FCN2: variants seen among roughly 807,000 people sequenced by gnomAD.
FCN2 encodes the protein ficolin-2.
A neutral mutation model predicts 32.5 loss-of-function variants in FCN2; 31 were observed. The observed-to-expected ratio is 0.96, with a 90% CI of 0.72 to 1.29. The LOEUF is 1.29. FCN2 is among the 50% of genes most tolerant of loss of function. FCN2 has a pLI of 0.00. For missense variants in FCN2, 412 were observed against 406.5 expected (o/e 1.01, Z -0.12); for synonymous variants, 181 against 164.5 (o/e 1.10, Z -0.77).
Position 134,887,272 on chromosome 9 carries a change from T to C in FCN2, c.799T>C (p.Tyr267His). 6.2e-7 allele frequency: 1 copy of C among 1,614,164 alleles called. No homozygotes were observed. Among genetic ancestry groups the C allele is most frequent in the Non-Finnish European group, 8.5e-7 (1 of 1,180,026 alleles). The change falls in exon 8 of 8, where the codon TAC becomes CAC. Residue 267 changes from tyrosine (Y) to histidine (H), a missense_variant. By Grantham distance (83) the Tyr-to-His change is moderately conservative (BLOSUM62 2). Coordinates refer to ENST00000291744, the MANE Select transcript of FCN2 (RefSeq NM_004108.3). ...TGTGATGTTTCAGGGAGCTTGGTGGTACAAAAACTGCCATGTGTCAAACCT... is the reference window on the plus strand; with the variant it reads ...TGTGATGTTTCAGGGAGCTTGGTGGCACAAAAACTGCCATGTGTCAAACCT... The part of the protein sequence containing the change: ...CAVMFQGAWW[Y>H]KNCHVSNLNG...
chr9:134,886,044 A>C, intron 6 of FCN2, 147 bp downstream of exon 6: 1 of 838,128 alleles, frequency 1.2e-6, no homozygotes, highest in Non-Finnish European at 1.8e-6. Flanking sequence ...GGGACCTCCG[A>C]GGGCTTCGTC....
the FCN2 span, among the ~76,000 whole-genome samples, chr9:134,870,662 T>A: frequency 2.8e-3 from 422 of 152,208 alleles, 1 homozygote; most frequent in Non-Finnish European, 4.8e-3. The surrounding 1 kb of genome is among the most constrained non-coding windows in gnomAD (Gnocchi z 4.3). Flanking sequence ...AGCCCACCAC[T>A]GACCGCACAG....
upstream of FCN2, chr9:134,880,782 A>G (rs368922191): frequency 2.4e-5 from 37 of 1,511,562 alleles, 1 homozygote; most frequent in South Asian, 1.9e-4. Flanking sequence ...CTCTAGCCCT[A>G]TAAGAGGGCA....
Position 134,886,566 on chromosome 9 carries a change from TGA to T in FCN2, c.694+4_694+5del, listed in dbSNP as rs1300602684. 1.2e-6 allele frequency: 2 copies of T among 1,613,810 alleles called. No individual in the cohort carries two copies. Among genetic ancestry groups the T allele is most frequent in the Non-Finnish European group, 1.7e-6 (2 of 1,179,894 alleles). On this transcript the variant is annotated splice_donor_region_variant and intron_variant, in intron 7 of 7. Coordinates refer to ENST00000291744, the MANE Select transcript of FCN2 (RefSeq NM_004108.3). ...GGGCCTTCGTGGAGGGCAGTGCGGG[TGA>T]GTGTCTGCTTGGGGCTGTGTGGCCT...
chr9:134,878,110 G>A (rs1171647438), upstream of FCN2, among the ~76,000 whole-genome samples: 2 of 152,136 alleles, frequency 1.3e-5, no homozygotes, highest in Non-Finnish European at 1.5e-5. Context: ...ATCAGACTCC[G>A]AGTTCTTCAG....
At position 134,884,738 on chromosome 9, in the gene FCN2, A is replaced by G. The variant is rs760124005; in HGVS notation, c.269-2A>G. On this transcript the variant is annotated splice_acceptor_variant, in intron 3 of 7. Transcript: ENST00000291744. LOFTEE classifies it high-confidence loss of function. The stretch of plus-strand genomic sequence containing the variant: ...CGTGTGTCCTCTCTCATCCATGAAC[A>G]GGAGCACCTGGGGAGCCCCAGCCGT... 2 of 1,614,000 alleles carry G rather than the reference A, an allele frequency of 1.2e-6. No individual in the cohort carries two copies. Among genetic ancestry groups the G allele is most frequent in the South Asian group, 2.2e-5 (2 of 91,072 alleles).
At chr9:134,884,621 C>T in intron 3 of FCN2, 119 bp from the exon 4 acceptor site, 2 of 1,016,876 alleles carry the variant, frequency 2.0e-6, no homozygotes, top group Non-Finnish European at 1.5e-6. Context: ...GACTCCTTGG[C>T]TGGACCCATA....
At chr9:134,869,146 CG>C in the FCN2 span, among the ~76,000 whole-genome samples, 20 of 152,340 alleles carry the variant, frequency 1.3e-4, no homozygotes, top group Non-Finnish European at 1.8e-4. Flanking sequence ...ACTCGGCCCC[CG>C]TGCCGGGGCT....
At chr9:134,869,306 T>C in the FCN2 span, among the ~76,000 whole-genome samples, 1 of 152,214 alleles carries the variant, frequency 6.6e-6, no homozygotes, top group Non-Finnish European at 1.5e-5. Context: ...TCTGGGCCCA[T>C]GGGAGAGGGA....
At chr9:134,880,980 C>T (rs562749650) in intron 1 of FCN2, 59 bp downstream of exon 1, 9 of 1,303,460 alleles carry the variant, frequency 6.9e-6, no homozygotes, top group East Asian at 4.8e-5. Context: ...CTGGCAGCTT[C>T]GTGATTGGTG....
chr9:134,870,557 G>A, the FCN2 span, among the ~76,000 whole-genome samples: 1 of 152,126 alleles, frequency 6.6e-6, no homozygotes, highest in Non-Finnish European at 1.5e-5. This position sits in a 1 kb window ranked among gnomAD's most constrained non-coding sequence, Gnocchi z 4.3. Flanking sequence ...CTCGGGGGGT[G>A]CCCTGGGTGC....
chr9:134,887,306 G>A lies in FCN2; in HGVS notation c.833G>A (p.Arg278His), dbSNP rs147553607. The change falls in exon 8 of 8, where the codon CGC becomes CAC. Residue 278 changes from arginine to histidine, a missense_variant. Coordinates refer to ENST00000291744, the MANE Select transcript of FCN2 (RefSeq NM_004108.3). ...TGCCATGTGTCAAACCTGAATGGTC[G>A]CTACCTCAGGGGGACTCATGGCAGC... ...KNCHVSNLNG[R>H]YLRGTHGSFA... The A allele has an allele frequency of 4.1e-5, 66 of 1,614,172 alleles. No individual in the cohort carries two copies. The East Asian group carries it at 5.6e-4, about 14-fold the overall frequency.
intron 7 of FCN2, 26 bp downstream of exon 7, chr9:134,886,590 G>A (rs1474173018): frequency 9.9e-6 from 16 of 1,612,706 alleles, no homozygotes; most frequent in Non-Finnish European, 1.2e-5. Flanking sequence ...GGGCTGTGTG[G>A]CCTGGGCTTC....
the FCN2 span, chr9:134,868,525 G>C: frequency 1.3e-5 from 2 of 153,778 alleles, no homozygotes; most frequent in Admixed American, 6.5e-5. This position sits in a 1 kb window ranked among gnomAD's most constrained non-coding sequence, Gnocchi z 4.3. Flanking sequence ...CTGGAGGAGC[G>C]CATCCCTCAG....
At chr9:134,886,329 T>C (rs1036806591) in intron 6 of FCN2, 101 bp from the exon 7 acceptor site, 47 of 1,392,852 alleles carry the variant, frequency 3.4e-5, no homozygotes, top group Admixed American at 2.7e-4. Context: ...TCTGCCTCCA[T>C]GGAGTCCAGA....
At chr9:134,873,157 G>A in the FCN2 span, among the ~76,000 whole-genome samples, 3 of 151,044 alleles carry the variant, frequency 2.0e-5, no homozygotes, top group Admixed American at 2.0e-4. Context: ...AGTTTGAAGA[G>A]TTATCTCTGT....
At chr9:134,872,023 G>A in the FCN2 span, among the ~76,000 whole-genome samples, 2 of 144,408 alleles carry the variant, frequency 1.4e-5, no homozygotes, top group African/African-American at 5.2e-5. Flanking sequence ...GATTTTTTAC[G>A]AGTGAAATCA....
At chr9:134,879,177 C>T (rs1175162788), upstream of FCN2, among the ~76,000 whole-genome samples, 2 of 152,184 alleles carry the variant, frequency 1.3e-5, no homozygotes, top group East Asian at 1.9e-4. Context: ...GTAAGTTTTC[C>T]GCATAAATGC....
chr9:134,866,514 T>C, the FCN2 span, among the ~76,000 whole-genome samples: 1 of 149,756 alleles, frequency 6.7e-6, no homozygotes, highest in Non-Finnish European at 1.5e-5. Context: ...ACTTAAATGT[T>C]AGACCTAAAA....
Sources: gnomAD v4.1 joint callset for allele counts (sites outside exome capture counted in the v4.1 genomes callset) on GRCh38, gnomAD v4.1.1 for gene constraint, Gnocchi (gnomAD v3.1) non-coding constraint, MANE v1.5 for transcripts, NCBI Gene and HGNC (gene_info 2026-07-23, HGNC 2026-07-21) for gene names.